Variants in MS4A6E observed in about 807,000 individuals in gnomAD.
MS4A6E encodes membrane spanning 4-domains A6E.
Under a neutral mutation model 13.2 loss-of-function variants are expected in MS4A6E, and 8 were observed. That is an observed-to-expected ratio of 0.60 (90% CI 0.35 to 1.09). MS4A6E has a LOEUF of 1.09. Among genes scored for constraint, MS4A6E ranks in the 50% least tolerant of loss-of-function variants. The pLI, the probability that MS4A6E is intolerant of heterozygous loss-of-function variation, is 0.02. For synonymous variants in MS4A6E, 72 were observed against 67.6 expected, an observed-to-expected ratio of 1.06 and a Z score of -0.32; for missense variants, 177 against 171.1, an observed-to-expected ratio of 1.03 and a Z score of -0.19.
At chr11:60,342,200 AG>A (rs1161931160), downstream of MS4A6E, among the ~76,000 whole-genome samples, 774 of 74,762 alleles carry the variant, frequency 0.01, 4 homozygotes, top group South Asian at 0.028. Context: ...AGAGAGAGAG[AG>A]GGGGGGGGAG....
intron 1 of MS4A6E, among the ~76,000 whole-genome samples, chr11:60,333,058 A>G (rs1298442741): frequency 6.6e-6 from 1 of 152,228 alleles, no homozygotes; most frequent in African/African-American, 2.4e-5. Flanking sequence ...TCTCACTTAC[A>G]TATGAGAAAT....
At chr11:60,329,621 A>T (rs12800288) in intron 1 of MS4A6E, among the ~76,000 whole-genome samples, 52,944 of 151,916 alleles carry the variant, frequency 0.35, 9,860 homozygotes, top group East Asian at 0.41. Context: ...AGTGTAAAAC[A>T]ATTCCTATTT....
intron 1 of MS4A6E, among the ~76,000 whole-genome samples, chr11:60,331,661 C>G (rs2085156567): frequency 6.6e-6 from 1 of 152,156 alleles, no homozygotes; most frequent in South Asian, 2.1e-4. Context: ...CAGTTTATTT[C>G]AATTTTGGTG....
rs147411512 is a variant in MS4A6E, at chr11:60,334,651, C to T, written c.-14-231C>T. Among the ~76,000 whole-genome samples the T allele has an allele frequency of 1.1e-3, 171 of 152,274 alleles. 2 individuals are homozygous for T. In the East Asian group the frequency reaches 0.025, roughly 22 times the overall value. On this transcript the variant is annotated intron_variant, in intron 1 of 4. Transcript: ENST00000684409. Reference sequence around the variant, plus strand: ...ATATTGGGACCTCTCAAGATTCATGCTGCTGCCACCCTGTGATGTGTTTAT... The same window carrying T: ...ATATTGGGACCTCTCAAGATTCATGTTGCTGCCACCCTGTGATGTGTTTAT...
chr11:60,348,588 AT>A (rs1217657193), intron 4 of MS4A6E, among the ~76,000 whole-genome samples: 1 of 152,244 alleles, frequency 6.6e-6, no homozygotes, highest in African/African-American at 2.4e-5. Flanking sequence ...CCTGTTGCTG[AT>A]GCCGGATCAA....
chr11:60,342,066 G>A (rs920729686), downstream of MS4A6E, among the ~76,000 whole-genome samples: 2 of 151,566 alleles, frequency 1.3e-5, no homozygotes, highest in African/African-American at 2.4e-5. Context: ...TTTGAGCACA[G>A]AATAAAGACA....
downstream of MS4A6E, among the ~76,000 whole-genome samples, chr11:60,346,168 T>G (rs1565158263): frequency 6.6e-6 from 1 of 152,302 alleles, no homozygotes; most frequent in Non-Finnish European, 1.5e-5. Context: ...TGATCCATGC[T>G]ACAGTCTGGA....
At chr11:60,342,142 CAAGT>C (rs575645179), downstream of MS4A6E, among the ~76,000 whole-genome samples, 17 of 129,614 alleles carry the variant, frequency 1.3e-4, no homozygotes, top group African/African-American at 5.0e-4. Flanking sequence ...AGAGGATAAA[CAAGT>C]GTGTGTGTGT....
chr11:60,348,200 A>C (rs2085264352), intron 4 of MS4A6E, among the ~76,000 whole-genome samples: 1 of 152,156 alleles, frequency 6.6e-6, no homozygotes, highest in Non-Finnish European at 1.5e-5. Context: ...AAGGAGCATA[A>C]AGCCTGGTCT....
rs1361474971 is a variant in MS4A6E at position 60,328,575 on chromosome 11, T to TA, written c.-15+1173dup. Among the ~76,000 whole-genome samples, 116 of 151,364 alleles carry TA rather than the reference T, an allele frequency of 7.7e-4. 1 individual carries two copies. Among genetic ancestry groups the TA allele is most frequent in the African/African-American group, 2.7e-3 (110 of 41,192 alleles). On this transcript the variant is annotated intron_variant, in intron 1 of 4. Coordinates refer to ENST00000684409, the MANE Select transcript of MS4A6E (RefSeq NM_139249.4). The stretch of plus-strand genomic sequence containing the variant: ...CACACACACTCATATAATTCAGACT[T>TA]AAAAAAGGAGATCTTGCCATTTGCC...
rs914701625 is a variant in MS4A6E, at chr11:60,348,258, T to C, written c.*162+7330T>C. ...GAGGAAATTGGAAAAGCTAGAGTGT[T>C]TCAGCAAAGGACTGACAATGTGCCC... On this transcript the variant is annotated intron_variant and NMD_transcript_variant, in intron 4 of 4. Transcript: ENST00000532756. Among the ~76,000 whole-genome samples, 16 of 152,244 alleles carry C rather than the reference T, an allele frequency of 1.1e-4. No individual in the cohort carries two copies. In the South Asian group the frequency reaches 2.7e-3, roughly 26 times the overall value.
At chr11:60,331,308 G>T (rs372687812) in intron 1 of MS4A6E, among the ~76,000 whole-genome samples, 1 of 151,906 alleles carries the variant, frequency 6.6e-6, no homozygotes, top group East Asian at 1.9e-4. Context: ...ATAAAAATAT[G>T]AGGATAATGG....
chr11:60,338,162 T>C (rs2085201251), intron 3 of MS4A6E, among the ~76,000 whole-genome samples: 1 of 152,230 alleles, frequency 6.6e-6, no homozygotes, highest in Non-Finnish European at 1.5e-5. Flanking sequence ...AGGTTGATGA[T>C]GAAAAACTAA....
rs771613245 is a variant in MS4A6E, at chr11:60,337,808, C to T, written c.215C>T (p.Ser72Phe). The T allele has an allele frequency of 1.2e-6, 2 of 1,614,226 alleles. No homozygotes were observed. Among genetic ancestry groups the T allele is most frequent in the Admixed American group, 3.3e-5 (2 of 60,028 alleles). ...LSALVGFILL[S>F]VNPAALNPAS... ...GCCCTGGTGGGTTTCATTCTCCTGT[C>T]TGTCAACCCGGCTGCATTAAATCCT... is the stretch of plus-strand genomic sequence containing the variant. The change falls in exon 3 of 5, where the codon TCT (serine) becomes TTT (phenylalanine). Residue 72 changes from serine to phenylalanine, a missense_variant. By Grantham distance (155) the Ser-to-Phe change is radical. Transcript: ENST00000684409.
At chr11:60,345,575 G>C (rs2085252628), downstream of MS4A6E, among the ~76,000 whole-genome samples, 1 of 152,152 alleles carries the variant, frequency 6.6e-6, no homozygotes, top group South Asian at 2.1e-4. Flanking sequence ...ATTATAACTT[G>C]TTCACAGTCA....
chr11:60,334,375 C>G (rs7924433), intron 1 of MS4A6E, among the ~76,000 whole-genome samples: 54,616 of 152,082 alleles, frequency 0.36, 10,334 homozygotes, highest in East Asian at 0.41. Context: ...TATGAAGCCA[C>G]TCTGTAATGA....
chr11:60,346,579 C>G (rs958763328), intron 4 of MS4A6E, among the ~76,000 whole-genome samples: 9 of 152,160 alleles, frequency 5.9e-5, no homozygotes, highest in Non-Finnish European at 1.3e-4. Flanking sequence ...TCTCATCTGG[C>G]TTTTGGTCTA....
At chr11:60,344,532 C>T (rs745364579), downstream of MS4A6E, among the ~76,000 whole-genome samples, 1 of 152,180 alleles carries the variant, frequency 6.6e-6, no homozygotes, top group Non-Finnish European at 1.5e-5. Flanking sequence ...TATCCTTTCC[C>T]AAGTGAAAAG....
At chr11:60,335,627 C>A (rs748306901) in intron 2 of MS4A6E, 9 of 453,334 alleles carry the variant, frequency 2.0e-5, no homozygotes, top group South Asian at 1.2e-4. Flanking sequence ...TCTAGAATTG[C>A]CTCTGCACTT....
Sources: allele counts gnomAD v4.1 joint callset (sites outside exome capture counted in the v4.1 genomes callset), GRCh38; gene constraint gnomAD v4.1.1; transcripts MANE v1.5; gene names NCBI Gene and HGNC (gene_info 2026-07-23, HGNC 2026-07-21).